The following LOC128462377 variants were observed in gnomAD, a reference collection of about 807,000 sequenced individuals.
At chr16:89,368,825 AGGAG>A in the LOC128462377 span, among the ~76,000 whole-genome samples, 1 of 152,172 alleles carries the variant, frequency 6.6e-6, no homozygotes, top group Non-Finnish European at 1.5e-5. Flanking sequence ...CGCTTGAGCC[AGGAG>A]GTTGACGCCA....
At chr16:89,330,519 G>C in the LOC128462377 span, among the ~76,000 whole-genome samples, 16 of 152,132 alleles carry the variant, frequency 1.1e-4, no homozygotes, top group African/African-American at 3.1e-4. Flanking sequence ...CCCGTGACGT[G>C]GCAGCGGGTT....
At chr16:89,384,499 G>A in the LOC128462377 span, among the ~76,000 whole-genome samples, 2 of 151,828 alleles carry the variant, frequency 1.3e-5, no homozygotes. Context: ...AGATGGAAAT[G>A]GGACAGGATG....
chr16:89,398,857 G>A, the LOC128462377 span, among the ~76,000 whole-genome samples: 3 of 152,150 alleles, frequency 2.0e-5, no homozygotes, highest in Admixed American at 1.3e-4. Flanking sequence ...TCTGGCCCAG[G>A]AGTACAGATG....
the LOC128462377 span, among the ~76,000 whole-genome samples, chr16:89,330,183 A>T: frequency 6.6e-6 from 1 of 152,174 alleles, no homozygotes; most frequent in Non-Finnish European, 1.5e-5. Context: ...TACAACTTCA[A>T]AAAGGAAGAG....
chr16:89,381,319 G>C, the LOC128462377 span, among the ~76,000 whole-genome samples: 1 of 126,988 alleles, frequency 7.9e-6, no homozygotes. Context: ...GCTACAGAGC[G>C]AGACTCTGCT....
chr16:89,387,710 A>G, the LOC128462377 span, among the ~76,000 whole-genome samples: 2 of 144,050 alleles, frequency 1.4e-5, no homozygotes, highest in East Asian at 4.3e-4. Context: ...AAAAAAAAAA[A>G]GACTGTGCTT....
At chr16:89,329,807 G>A in the LOC128462377 span, among the ~76,000 whole-genome samples, 4 of 152,012 alleles carry the variant, frequency 2.6e-5, no homozygotes, top group East Asian at 1.9e-4. Context: ...TCAGGAGTTC[G>A]AAACCAGCCT....
chr16:89,352,354 C>A, the LOC128462377 span, among the ~76,000 whole-genome samples: 1 of 151,680 alleles, frequency 6.6e-6, no homozygotes, highest in Non-Finnish European at 1.5e-5. Flanking sequence ...GGGGTCTAGG[C>A]ACCGCAATGT....
chr16:89,363,619 G>A, the LOC128462377 span, among the ~76,000 whole-genome samples: 6 of 152,134 alleles, frequency 3.9e-5, no homozygotes, highest in South Asian at 6.2e-4. Context: ...AAATTCAAAC[G>A]CACTCTGTGT....
the LOC128462377 span, among the ~76,000 whole-genome samples, chr16:89,408,485 C>T: frequency 1.3e-5 from 2 of 152,360 alleles, no homozygotes; most frequent in African/African-American, 4.8e-5. Flanking sequence ...AGTGGCCGAC[C>T]CAGATTCCCT....
chr16:89,326,532 C>G, the LOC128462377 span, among the ~76,000 whole-genome samples: 13 of 152,250 alleles, frequency 8.5e-5, no homozygotes, highest in Admixed American at 3.3e-4. Context: ...GTCATTTGGG[C>G]CCAAGAGTTT....
At chr16:89,411,073 T>C in the LOC128462377 span, among the ~76,000 whole-genome samples, 6 of 152,092 alleles carry the variant, frequency 3.9e-5, no homozygotes, top group South Asian at 2.1e-4. Flanking sequence ...GGGCGGCCAG[T>C]GCAGGAGGCA....
At chr16:89,394,111 G>C in the LOC128462377 span, among the ~76,000 whole-genome samples, 1 of 152,144 alleles carries the variant, frequency 6.6e-6, no homozygotes, top group Admixed American at 6.5e-5. Context: ...CACAGTCCCA[G>C]GTTCCAGGCA....
At chr16:89,356,003 C>A in the LOC128462377 span, among the ~76,000 whole-genome samples, 1 of 152,178 alleles carries the variant, frequency 6.6e-6, no homozygotes, top group Non-Finnish European at 1.5e-5. Context: ...ATGAGCCCCG[C>A]CCTGGGGGCT....
At chr16:89,356,450 A>G in the LOC128462377 span, among the ~76,000 whole-genome samples, 1 of 151,946 alleles carries the variant, frequency 6.6e-6, no homozygotes, top group Admixed American at 6.6e-5. Context: ...TCAAGCAGAC[A>G]CTGCTTGTTC....
chr16:89,411,766 C>T, the LOC128462377 span, among the ~76,000 whole-genome samples: 2 of 152,104 alleles, frequency 1.3e-5, no homozygotes, highest in Middle Eastern at 3.2e-3. Context: ...TCCCAATGGA[C>T]AACACAAATA....
chr16:89,347,055 G>GA, the LOC128462377 span, among the ~76,000 whole-genome samples: 1 of 152,144 alleles, frequency 6.6e-6, no homozygotes, highest in East Asian at 1.9e-4. Flanking sequence ...TCTGCTGGGC[G>GA]AAAGGCCAGC....
At chr16:89,366,931 C>T in the LOC128462377 span, among the ~76,000 whole-genome samples, 2 of 152,220 alleles carry the variant, frequency 1.3e-5, no homozygotes, top group East Asian at 1.9e-4. Context: ...GACCATCCTT[C>T]GCAATCTGGT....
chr16:89,374,052 C>T, the LOC128462377 span, among the ~76,000 whole-genome samples: 16 of 152,336 alleles, frequency 1.1e-4, 1 homozygote, highest in East Asian at 2.7e-3. Context: ...GGAGACAACA[C>T]GCAAGTGTGA....
Sources: allele counts gnomAD v4.1 joint callset (sites outside exome capture counted in the v4.1 genomes callset), GRCh38; gene constraint gnomAD v4.1.1; transcripts MANE v1.5.